Variants in RBFOX3 observed in about 807,000 individuals in gnomAD.
RBFOX3 encodes the protein RNA binding protein fox-1 homolog 3.
RBFOX3 carries 17 observed loss-of-function variants against 48.7 expected under a neutral mutation model. That is an observed-to-expected ratio of 0.35 (90% CI 0.24 to 0.52). RBFOX3 has a LOEUF of 0.52. Among genes scored for constraint, RBFOX3 ranks in the 20% least tolerant of loss-of-function variants. The pLI is 0.94. For missense variants in RBFOX3, 382 were observed against 497.5 expected (o/e 0.77, Z 2.21); for synonymous variants, 212 against 209.5 (o/e 1.01, Z -0.10).
chr17:79,090,599 C>T lies in RBFOX3; in HGVS notation c.*284G>A, dbSNP rs2073693230. 1 of 436,882 alleles carries T rather than the reference C, an allele frequency of 2.3e-6. No individual in the cohort carries two copies. Among genetic ancestry groups the T allele is most frequent in the East Asian group, 3.6e-5 (1 of 27,766 alleles). The allele number at this position is 436,882 out of a possible 1,614,324, so 27.1% of individuals were successfully genotyped here. ...GAGGCCCCTTCCCCTCCAACTCCCC[C>T]ACTGCCTGAGACGGAGGGGCGTGTT... On this transcript the variant is annotated 3_prime_UTR_variant, in exon 15 of 15. Coordinates refer to ENST00000693108, the MANE Select transcript of RBFOX3 (RefSeq NM_001350451.2).
intron 4 of RBFOX3, among the ~76,000 whole-genome samples, chr17:79,225,061 T>C (rs28567539): frequency 0.21 from 32,102 of 151,734 alleles, 4,561 homozygotes; most frequent in African/African-American, 0.4. Flanking sequence ...ACCCCAGGAG[T>C]CAGTGCCCTT....
intron 4 of RBFOX3, among the ~76,000 whole-genome samples, chr17:79,200,936 C>T (rs2056656717): frequency 6.6e-6 from 1 of 152,170 alleles, no homozygotes; most frequent in African/African-American, 2.4e-5. Flanking sequence ...TGGGCCTGGC[C>T]AGTCCCAATT....
chr17:79,340,365 C>T (rs1294802276), intron 2 of RBFOX3, among the ~76,000 whole-genome samples: 2 of 152,070 alleles, frequency 1.3e-5, no homozygotes, highest in African/African-American at 4.8e-5. Context: ...GGGAGCCAGG[C>T]TGCCAGCAGC....
At chr17:79,251,618 C>G (rs2063970402) in intron 3 of RBFOX3, among the ~76,000 whole-genome samples, 1 of 152,224 alleles carries the variant, frequency 6.6e-6, no homozygotes, top group Non-Finnish European at 1.5e-5. Flanking sequence ...CAGGCCCCTT[C>G]TCTTCCTAGA....
At chr17:79,404,759 A>G (rs2063329570) in intron 2 of RBFOX3, among the ~76,000 whole-genome samples, 1 of 151,890 alleles carries the variant, frequency 6.6e-6, no homozygotes, top group Non-Finnish European at 1.5e-5. Context: ...GTATGCTCAG[A>G]CCTCAGCTGC....
intron 4 of RBFOX3, among the ~76,000 whole-genome samples, chr17:79,176,694 G>A (rs2703534): frequency 0.52 from 79,364 of 151,904 alleles, 21,491 homozygotes; most frequent in African/African-American, 0.67. Context: ...TGGGGGATGA[G>A]GAGGGGCTGG....
intron 1 of RBFOX3, among the ~76,000 whole-genome samples, chr17:79,594,054 C>T (rs1448316791): frequency 6.6e-6 from 1 of 152,128 alleles, no homozygotes; most frequent in Middle Eastern, 3.2e-3. Flanking sequence ...AATGAACCTG[C>T]CTCTGTCTGA....
chr17:79,195,625 A>G lies in RBFOX3; in HGVS notation c.-34+40141T>C, dbSNP rs1231494937. 2.0e-5 allele frequency among the ~76,000 whole-genome samples: 3 copies of G among 152,040 alleles called. No individual in the cohort carries two copies. Among genetic ancestry groups the G allele is most frequent in the Non-Finnish European group, 4.4e-5 (3 of 67,994 alleles). On this transcript the variant is annotated intron_variant, in intron 4 of 14. Coordinates refer to ENST00000693108, the MANE Select transcript of RBFOX3 (RefSeq NM_001350451.2). This position sits in a 1 kb window ranked among gnomAD's most constrained non-coding sequence, Gnocchi z 5.3. ...GACTGGGGCCTCCTTATTTTGTCCT[A>G]CCATTGCAGCTGTGCAGGCACACAG...
At chr17:79,456,730 C>T (rs1411106902) in intron 2 of RBFOX3, among the ~76,000 whole-genome samples, 4 of 152,154 alleles carry the variant, frequency 2.6e-5, no homozygotes, top group African/African-American at 9.7e-5. Context: ...GATTCAAACC[C>T]CCCAGGGCCC....
intron 3 of RBFOX3, among the ~76,000 whole-genome samples, chr17:79,236,510 C>T (rs565489621): frequency 2.5e-4 from 38 of 152,268 alleles, no homozygotes; most frequent in African/African-American, 9.1e-4. Flanking sequence ...AGGGTGGTCT[C>T]AACCTCCTGA....
chr17:79,594,879 C>A (rs1366599349), intron 1 of RBFOX3, among the ~76,000 whole-genome samples: 2 of 152,152 alleles, frequency 1.3e-5, no homozygotes, highest in African/African-American at 4.8e-5. Context: ...CCCTCAGAAG[C>A]CTCCACTGGG....
chr17:79,344,797 C>T (rs2082636338), intron 2 of RBFOX3, among the ~76,000 whole-genome samples: 1 of 152,080 alleles, frequency 6.6e-6, no homozygotes, highest in African/African-American at 2.4e-5. Flanking sequence ...CTCAGGTGAT[C>T]CACCCACTTC....
intron 2 of RBFOX3, among the ~76,000 whole-genome samples, chr17:79,464,778 C>T (rs950299111): frequency 4.6e-5 from 7 of 152,200 alleles, no homozygotes; most frequent in Admixed American, 1.3e-4. Context: ...GCCTTCCCTC[C>T]GCGGCCCCGA....
At chr17:79,557,892 G>A (rs1002226132) in intron 1 of RBFOX3, among the ~76,000 whole-genome samples, 20 of 152,232 alleles carry the variant, frequency 1.3e-4, no homozygotes, top group African/African-American at 3.9e-4. Flanking sequence ...AGGGGGTGGC[G>A]CTGCGGTTGT....
chr17:79,106,840 C>T (rs2077469264), intron 5 of RBFOX3, 52 bp from the exon 6 acceptor site: 1 of 1,471,830 alleles, frequency 6.8e-7, no homozygotes, highest in Admixed American at 2.8e-5. Context: ...CGGGGTTGCC[C>T]ATCCCCTCTG....
rs2079131817 is a variant in RBFOX3 at position 79,325,283 on chromosome 17, T to G, written c.-174-17459A>C. 2.0e-5 allele frequency among the ~76,000 whole-genome samples: 3 copies of G among 152,194 alleles called. No homozygotes were observed. The South Asian group carries it at 6.2e-4, about 32-fold the overall frequency. On this transcript the variant is annotated intron_variant, in intron 2 of 14. Transcript: ENST00000693108. ...TCCACAGGTGGGTGAGGGCAGCCTG[T>G]GGGGTGCGGCCTTCCCTGGAGATGA...
chr17:79,646,515 A>C, the RBFOX3 span, among the ~76,000 whole-genome samples: 1 of 152,204 alleles, frequency 6.6e-6, no homozygotes, highest in African/African-American at 2.4e-5. Flanking sequence ...AGCAGGCAAG[A>C]GAGTGTGTGC....
At chr17:79,658,265 C>T in the RBFOX3 span, among the ~76,000 whole-genome samples, 2 of 150,302 alleles carry the variant, frequency 1.3e-5, no homozygotes, top group Non-Finnish European at 3.0e-5. Context: ...CCATTTCTCC[C>T]TCCCTCCCTG....
intron 4 of RBFOX3, among the ~76,000 whole-genome samples, chr17:79,177,329 C>T (rs1356703910): frequency 1.3e-5 from 2 of 152,240 alleles, no homozygotes; most frequent in Non-Finnish European, 2.9e-5. Context: ...TTGGCCTCCA[C>T]CTCCTCCAAG....
Sources: allele counts gnomAD v4.1 joint callset (sites outside exome capture counted in the v4.1 genomes callset), GRCh38; gene constraint gnomAD v4.1.1; non-coding constraint Gnocchi (gnomAD v3.1); transcripts MANE v1.5; gene names NCBI Gene and HGNC (gene_info 2026-07-23, HGNC 2026-07-21).